The following SLC4A7 variants were observed in gnomAD, a reference collection of about 807,000 sequenced individuals.
The protein encoded by SLC4A7 is sodium bicarbonate cotransporter 3.
Under a neutral mutation model 137.6 loss-of-function variants are expected in SLC4A7, and 51 were observed. That is an observed-to-expected ratio of 0.37 (90% CI 0.30 to 0.47). SLC4A7 has a LOEUF of 0.47. SLC4A7 is among the 20% of genes least tolerant of loss of function. The pLI is 1.00. For missense variants in SLC4A7, 1,247 were observed against 1,525.4 expected (o/e 0.82, Z 3.04); for synonymous variants, 542 against 518.6 (o/e 1.05, Z -0.61).
chr3:27,424,265 G>T, intron 7 of SLC4A7, 113 bp from the exon 8 acceptor site: 1 of 544,210 alleles, frequency 1.8e-6, no homozygotes. Flanking sequence ...AAATGTGCAA[G>T]GTTAAAAAAA....
intron 14 of SLC4A7, 64 bp downstream of exon 14, chr3:27,404,766 C>T: frequency 7.5e-7 from 1 of 1,325,298 alleles, no homozygotes; most frequent in Non-Finnish European, 1.0e-6. Context: ...AAATAATTCC[C>T]TTCTAAGTTA....
chr3:27,431,689 T>C lies in SLC4A7; in HGVS notation c.779-20A>G, dbSNP rs762215340. On this transcript the variant is annotated intron_variant, in intron 6 of 25. Transcript: ENST00000454389. Reference sequence around the variant, plus strand: ...CTTCCCCTGAGATAAAACAAATAAATGAAAAATGATGAAGTCCACTGCAGA... The same window carrying C: ...CTTCCCCTGAGATAAAACAAATAAACGAAAAATGATGAAGTCCACTGCAGA... 4.9e-5 allele frequency: 73 copies of C among 1,500,274 alleles called. No individual in the cohort carries two copies. Among genetic ancestry groups the C allele is most frequent in the Middle Eastern group, 1.9e-4 (1 of 5,270 alleles). The allele number at this position is 1,500,274 out of a possible 1,614,324, so 92.9% of individuals were successfully genotyped here. A position where few individuals can be genotyped will look rare whatever the true frequency, so the allele number is the denominator to read the frequency against.
At chr3:27,419,198 C>T (rs559859567) in intron 10 of SLC4A7, among the ~76,000 whole-genome samples, 4 of 151,880 alleles carry the variant, frequency 2.6e-5, no homozygotes, top group South Asian at 2.1e-4. Context: ...TATTGATAGA[C>T]GCTCTGATAA....
At chr3:27,403,912 G>A (rs774810175) in intron 14 of SLC4A7, among the ~76,000 whole-genome samples, 2 of 152,202 alleles carry the variant, frequency 1.3e-5, no homozygotes, top group Middle Eastern at 3.4e-3. Flanking sequence ...TCTATACTTC[G>A]GGTCACTGCA....
At position 27,450,800 on chromosome 3, in the gene SLC4A7, G is replaced by A. The variant is rs116289112; in HGVS notation, c.142+1617C>T. Among the ~76,000 whole-genome samples the A allele has an allele frequency of 9.2e-3, 1,391 of 151,358 alleles. 15 individuals are homozygous for A. Among genetic ancestry groups the A allele is most frequent in the African/African-American group, 0.032 (1,303 of 41,244 alleles). ...TTTCTTTTTCTTTCCTTTTTCTTCT[G>A]CCCTTACTTTATTCTATCAAAAGCC... is the stretch of plus-strand genomic sequence containing the variant. On this transcript the variant is annotated intron_variant, in intron 2 of 25. Transcript: ENST00000454389.
intron 20 of SLC4A7, 127 bp from the exon 21 acceptor site, chr3:27,391,935 C>T: frequency 1.9e-6 from 1 of 530,662 alleles, no homozygotes; most frequent in East Asian, 3.2e-5. Flanking sequence ...CCTAACATTT[C>T]CACACATAAG....
At chr3:27,463,693 G>T (rs113805920) in intron 1 of SLC4A7, among the ~76,000 whole-genome samples, 1 of 151,998 alleles carries the variant, frequency 6.6e-6, no homozygotes, top group Non-Finnish European at 1.5e-5. Context: ...GCCATTTGCC[G>T]GGGGGAAGAA....
chr3:27,406,567 A>G (rs1003855925), intron 13 of SLC4A7, among the ~76,000 whole-genome samples: 1 of 152,226 alleles, frequency 6.6e-6, no homozygotes, highest in African/African-American at 2.4e-5. Context: ...CTGCTAAGCC[A>G]TCATAAAATC....
In SLC4A7 at chr3:27,395,134, T is replaced by C. The variant is rs199566437; in HGVS notation, c.2704-19A>G. ...GAGTAGGCTGTTAAAAAATTAAATA[T>C]AATTTTCAAAAAGTCTCCTTGCTGT... is the stretch of plus-strand genomic sequence containing the variant. On this transcript the variant is annotated intron_variant, in intron 18 of 25. Transcript: ENST00000454389. 11 of 1,549,292 alleles carry C rather than the reference T, an allele frequency of 7.1e-6. No homozygotes were observed. The East Asian group carries it at 1.6e-4, about 22-fold the overall frequency.
chr3:27,437,257 A>C, intron 4 of SLC4A7, 131 bp downstream of exon 4: 1 of 455,078 alleles, frequency 2.2e-6, no homozygotes, highest in Non-Finnish European at 3.7e-6. Context: ...AGGCTGAGAC[A>C]GGAAAATCAC....
intron 1 of SLC4A7, among the ~76,000 whole-genome samples, chr3:27,471,300 G>GTT (rs891095280): frequency 6.6e-5 from 10 of 152,182 alleles, no homozygotes; most frequent in African/African-American, 2.2e-4. Flanking sequence ...AATATTTGGG[G>GTT]TATATCCTTC....
Position 27,374,089 on chromosome 3 carries a change from T to G in SLC4A7, c.*2675A>C, listed in dbSNP as rs530489866. 6.6e-6 allele frequency: 1 copy of G among 152,542 alleles called. No individual in the cohort carries two copies. Among genetic ancestry groups the G allele is most frequent in the East Asian group, 1.9e-4 (1 of 5,198 alleles). 9.4% of individuals were successfully genotyped at this position (152,542 alleles called of 1,614,324 possible). On this transcript the variant is annotated 3_prime_UTR_variant, in exon 26 of 26. Transcript: ENST00000454389. Reference sequence around the variant, plus strand: ...ATCATTGTTTTCTCAAAAGCTGCTATTTTAGATTGAAACAGCATTCAGAAA... The same window carrying G: ...ATCATTGTTTTCTCAAAAGCTGCTAGTTTAGATTGAAACAGCATTCAGAAA...
chr3:27,386,436 C>T (rs890220478), intron 22 of SLC4A7, among the ~76,000 whole-genome samples: 1 of 152,034 alleles, frequency 6.6e-6, no homozygotes, highest in Admixed American at 6.6e-5. Flanking sequence ...TTTAACTTTT[C>T]AATCATATGG....
At position 27,397,755 on chromosome 3, in the gene SLC4A7, C is replaced by G. The variant is rs1451066665; in HGVS notation, c.2632G>C (p.Val878Leu). 3 of 1,609,304 alleles carry G rather than the reference C, an allele frequency of 1.9e-6. No homozygotes were observed. The East Asian group carries it at 6.7e-5, about 36-fold the overall frequency. The change falls in exon 18 of 26, where the codon GTA becomes CTA. Residue 878 changes from valine (V) to leucine (L), a missense_variant. By Grantham distance (32) the Val-to-Leu change is conservative. Around this residue, in one of 6 missense-constraint regions of SLC4A7, gnomAD observed 499 missense variants for 664.2 expected, o/e 0.75. Transcript: ENST00000454389. Reference protein sequence around the residue: ...ISDFAVFLTIVIMVTIDYLVG... With the variant: ...ISDFAVFLTILIMVTIDYLVG... ...AGGTAGTCAATTGTAACCATTATTA[C>G]TATTGTGAGAAATACAGCAAAATCA... is the stretch of plus-strand genomic sequence containing the variant.
chr3:27,445,952 AAAAAAAAAAAAATATATATAT>A (rs1486976116), intron 3 of SLC4A7, among the ~76,000 whole-genome samples: 1 of 31,448 alleles, frequency 3.2e-5, no homozygotes. Flanking sequence ...AAAAAAAAAA[AAAAAAAAAAAAATATATATAT>A]ATATATATAT....
At chr3:27,454,408 G>A (rs914879976) in intron 1 of SLC4A7, among the ~76,000 whole-genome samples, 1 of 152,210 alleles carries the variant, frequency 6.6e-6, no homozygotes, top group East Asian at 1.9e-4. Flanking sequence ...AGAGGTTGCA[G>A]TGAGCCGAGA....
Position 27,450,593 on chromosome 3 carries a change from A to G in SLC4A7, c.143-1796T>C, listed in dbSNP as rs578135348. ...CAAAGTTGTTCCTCCAATTAGTACT[A>G]ATGGGTCTTGGCACAGAAGCCCCAA... On this transcript the variant is annotated intron_variant, in intron 2 of 25. Transcript: ENST00000454389. 9.9e-5 allele frequency among the ~76,000 whole-genome samples: 15 copies of G among 152,248 alleles called. No homozygotes were observed. In the East Asian group the frequency reaches 2.9e-3, roughly 29 times the overall value.
chr3:27,425,259 A>G (rs1390411943), intron 7 of SLC4A7, among the ~76,000 whole-genome samples: 2 of 149,816 alleles, frequency 1.3e-5, no homozygotes, highest in Non-Finnish European at 3.0e-5. Flanking sequence ...AGTCCCAGCT[A>G]TTTGGGAGGT....
chr3:27,394,408 A>G, intron 20 of SLC4A7, 110 bp downstream of exon 20: 1 of 1,001,648 alleles, frequency 1.0e-6, no homozygotes, highest in Non-Finnish European at 1.5e-6. Context: ...AAACTGTGGA[A>G]AACAAACCTA....
Sources: gnomAD v4.1 joint callset for allele counts (sites outside exome capture counted in the v4.1 genomes callset) on GRCh38, gnomAD v4.1.1 for gene constraint, gnomAD v4.1.1 regional missense constraint, MANE v1.5 for transcripts, NCBI Gene and HGNC (gene_info 2026-07-23, HGNC 2026-07-21) for gene names.